Variants in FRRS1L observed in about 807,000 individuals in gnomAD.
FRRS1L encodes the protein DOMON domain-containing protein FRRS1L.
FRRS1L carries 22 observed loss-of-function variants against 28.6 expected under a neutral mutation model. The observed-to-expected ratio is 0.77, with a 90% CI of 0.55 to 1.10. FRRS1L has a LOEUF of 1.10. Ranked by LOEUF, FRRS1L falls within the 50% of genes least tolerant of loss-of-function variation. The pLI is 0.00. For missense variants in FRRS1L, 380 were observed against 386.9 expected (o/e 0.98, Z 0.15); for synonymous variants, 158 against 151.4 (o/e 1.04, Z -0.32).
intron 1 of FRRS1L, among the ~76,000 whole-genome samples, chr9:109,161,997 T>C (rs902361624): frequency 3.9e-5 from 6 of 152,178 alleles, no homozygotes; most frequent in Non-Finnish European, 7.3e-5. Context: ...TTCCAAACTC[T>C]TCCTCTCAAG....
chr9:109,149,591 A>T, intron 2 of FRRS1L, 45 bp downstream of exon 2: 1 of 1,280,358 alleles, frequency 7.8e-7, no homozygotes, highest in Non-Finnish European at 1.1e-6. Context: ...CTGAGAAGTA[A>T]ATCAGTCTTA....
chr9:109,142,433 T>C (rs941765495), intron 3 of FRRS1L, among the ~76,000 whole-genome samples: 2 of 152,152 alleles, frequency 1.3e-5, no homozygotes, highest in South Asian at 2.1e-4. Flanking sequence ...TACCACTGCA[T>C]TGACACTTTA....
In FRRS1L at chr9:109,134,247, A is replaced by G. The variant is rs1396916420; in HGVS notation, c.*3208T>C. 6.6e-6 allele frequency: 1 copy of G among 152,240 alleles called. No homozygotes were observed. The highest frequency in any genetic ancestry group is 2.4e-5 in the African/African-American group (1 of 41,476). 9.4% of individuals were successfully genotyped at this position (152,240 alleles called of 1,614,324 possible). A position where few individuals can be genotyped will look rare whatever the true frequency, so the allele number is the denominator to read the frequency against. The stretch of plus-strand genomic sequence containing the variant: ...TGCTGAGTACCTGATATGGATAAAT[A>G]TCTGCTACAATGATGAGTAATGGTC... On this transcript the variant is annotated 3_prime_UTR_variant, in exon 5 of 5. Coordinates refer to ENST00000561981, the MANE Select transcript of FRRS1L (RefSeq NM_014334.4).
At chr9:109,145,797 C>A (rs997826544) in intron 3 of FRRS1L, among the ~76,000 whole-genome samples, 2 of 152,162 alleles carry the variant, frequency 1.3e-5, no homozygotes, top group East Asian at 1.9e-4. Context: ...GGGTAGCACA[C>A]CCAACAGGGT....
rs1294737480 is a variant in FRRS1L, at chr9:109,155,051, C to T, written c.239-5331G>A. Among the ~76,000 whole-genome samples the T allele has an allele frequency of 3.9e-5, 6 of 152,194 alleles. No homozygotes were observed. In the East Asian group the frequency reaches 1.2e-3, roughly 29 times the overall value. On this transcript the variant is annotated intron_variant, in intron 1 of 4. Transcript: ENST00000561981. ...AGATCCTGGATCTAAGGTTCAGGTT[C>T]CAGGCACAATTTCTCACTCTGCCAA...
intron 1 of FRRS1L, 159 bp from the exon 2 acceptor site, chr9:109,149,879 G>A (rs931650578): frequency 1.6e-6 from 1 of 617,498 alleles, no homozygotes; most frequent in South Asian, 1.9e-5. Flanking sequence ...CTTCATGGGG[G>A]AGGGTGTAGG....
In FRRS1L at chr9:109,133,786, C is replaced by T. The variant is rs543062302; in HGVS notation, c.*3669G>A. 15 of 152,192 alleles carry T rather than the reference C, an allele frequency of 9.9e-5. 1 individual carries two copies. Among genetic ancestry groups the T allele is most frequent in the East Asian group, 5.8e-4 (3 of 5,190 alleles). 9.4% of individuals were successfully genotyped at this position (152,192 alleles called of 1,614,324 possible). ...ATTATTAATCTATTCAGGTACTTTACGAAAAACACTGGTTGGGCATCTCCT... is the reference window on the plus strand; with the variant it reads ...ATTATTAATCTATTCAGGTACTTTATGAAAAACACTGGTTGGGCATCTCCT... On this transcript the variant is annotated 3_prime_UTR_variant, in exon 5 of 5. Transcript: ENST00000561981.
At chr9:109,158,052 CTTCT>C (rs1453908702) in intron 1 of FRRS1L, among the ~76,000 whole-genome samples, 3 of 152,136 alleles carry the variant, frequency 2.0e-5, no homozygotes, top group Admixed American at 2.0e-4. Context: ...GAAACTATTC[CTTCT>C]TTGAGGGTCC....
Position 109,131,396 on chromosome 9 carries a change from T to C in FRRS1L, c.*6059A>G, listed in dbSNP as rs1340475216. On this transcript the variant is annotated 3_prime_UTR_variant, in exon 5 of 5. Transcript: ENST00000561981. ...CTCAAGCATAGTTTTGCCTGTAATA[T>C]GCATAATGTTCTACCTCTTGGGTTT... 1 of 152,220 alleles carries C rather than the reference T, an allele frequency of 6.6e-6. No homozygotes were observed. The highest frequency in any genetic ancestry group is 1.5e-5 in the Non-Finnish European group (1 of 68,026). The allele number at this position is 152,220 out of a possible 1,614,324, so 9.4% of individuals were successfully genotyped here.
At chr9:109,150,234 T>G (rs1969339) in intron 1 of FRRS1L, 48,415 of 152,294 alleles carry the variant, frequency 0.32, 8,080 homozygotes, top group Middle Eastern at 0.37. Flanking sequence ...TTTGTTGTTT[T>G]TGAGACAGAG....
rs1831123299 is a variant in FRRS1L, at chr9:109,137,193, C to CA, written c.*261dup. 1 of 213,876 alleles carries CA rather than the reference C, an allele frequency of 4.7e-6. No homozygotes were observed. Among genetic ancestry groups the CA allele is most frequent in the East Asian group, 9.2e-5 (1 of 10,890 alleles). 13.2% of individuals were successfully genotyped at this position (213,876 alleles called of 1,614,324 possible). ...AATCACAATTTTCATCAATCCAACT[C>CA]AGAGATGTTGTGAAGTTAAATAAGA... On this transcript the variant is annotated 3_prime_UTR_variant, in exon 5 of 5. Coordinates refer to ENST00000561981, the MANE Select transcript of FRRS1L (RefSeq NM_014334.4).
chr9:109,157,722 T>C (rs1355201857), intron 1 of FRRS1L, among the ~76,000 whole-genome samples: 1 of 152,244 alleles, frequency 6.6e-6, no homozygotes, highest in African/African-American at 2.4e-5. Context: ...TATATTTTGC[T>C]GTACACCATT....
intron 1 of FRRS1L, chr9:109,151,728 G>A: frequency 6.3e-6 from 1 of 158,676 alleles, no homozygotes; most frequent in Admixed American, 6.3e-5. Flanking sequence ...CCCAGTCCAT[G>A]GAAAAATCGT....
In FRRS1L at chr9:109,149,641, G is replaced by A. The variant is rs1831305545; in HGVS notation, c.318C>T (p.Cys106=). The A allele has an allele frequency of 6.2e-7, 1 of 1,608,334 alleles. No individual in the cohort carries two copies. Among genetic ancestry groups the A allele is most frequent in the Admixed American group, 1.7e-5 (1 of 59,960 alleles). Residue 106 remains cysteine, a synonymous_variant, in exon 2 of 5, where the codon TGC becomes TGT. Coordinates refer to ENST00000561981, the MANE Select transcript of FRRS1L (RefSeq NM_014334.4). ...CAACCTGCAGTTCCACCAACCTAAA[G>A]CATCCCTTAGTTTTTCCACAGTCGT... ...KVDDCGKTKG[C]FRYGKPGCNA...
At chr9:109,166,650 T>C (rs1364887809) in intron 1 of FRRS1L, among the ~76,000 whole-genome samples, 1 of 151,600 alleles carries the variant, frequency 6.6e-6, no homozygotes, top group Non-Finnish European at 1.5e-5. Flanking sequence ...GACCCCTCCC[T>C]CTCCCAGCCT....
chr9:109,135,051 T>C lies in FRRS1L; in HGVS notation c.*2404A>G, dbSNP rs1448338542. On this transcript the variant is annotated 3_prime_UTR_variant, in exon 5 of 5. Transcript: ENST00000561981. ...TGCAATGAACAGAATTTCTCCTCCA[T>C]CCCTCCTTGGAAGCTTTTGGTAACT... The C allele has an allele frequency of 1.3e-5, 2 of 152,228 alleles. No individual in the cohort carries two copies. The highest frequency in any genetic ancestry group is 2.4e-5 in the African/African-American group (1 of 41,454). The allele number at this position is 152,228 out of a possible 1,614,324, so 9.4% of individuals were successfully genotyped here.
chr9:109,159,776 G>T (rs1310102883), intron 1 of FRRS1L, among the ~76,000 whole-genome samples: 1 of 152,186 alleles, frequency 6.6e-6, no homozygotes, highest in South Asian at 2.1e-4. Flanking sequence ...AACAAAAAGA[G>T]TGACCTCCAC....
At chr9:109,138,366 T>C (rs888052518) in intron 4 of FRRS1L, 2 of 152,240 alleles carry the variant, frequency 1.3e-5, no homozygotes, top group African/African-American at 4.8e-5. Flanking sequence ...CTTCAGTTGA[T>C]TAAAAGTGTC....
rs780340038 is a variant in FRRS1L, at chr9:109,166,974, C to A, written c.165G>T (p.Ala55=). Residue 55 remains alanine, a synonymous_variant, in exon 1 of 5, where the codon GCG becomes GCT. Coordinates refer to ENST00000561981, the MANE Select transcript of FRRS1L (RefSeq NM_014334.4). ...RARGDTGADE[A]VPRHDSSYGT... ...CGTAGGAGGAGTCGTGGCGCGGCACCGCCTCGTCGGCGCCCGTGTCCCCCC... is the reference window on the plus strand; with the variant it reads ...CGTAGGAGGAGTCGTGGCGCGGCACAGCCTCGTCGGCGCCCGTGTCCCCCC... The A allele has an allele frequency of 1.2e-5, 16 of 1,314,874 alleles. No individual in the cohort carries two copies. The South Asian group carries it at 3.4e-4, about 28-fold the overall frequency. 81.5% of individuals were successfully genotyped at this position (1,314,874 alleles called of 1,614,324 possible).
Sources: allele counts gnomAD v4.1 joint callset (sites outside exome capture counted in the v4.1 genomes callset), GRCh38; gene constraint gnomAD v4.1.1; transcripts MANE v1.5; gene names NCBI Gene and HGNC (gene_info 2026-07-23, HGNC 2026-07-21).